The following DNAJA4 variants were observed in gnomAD, a reference collection of about 807,000 sequenced individuals.
DNAJA4 encodes DnaJ heat shock protein family (Hsp40) member A4.
Under a neutral mutation model 39.7 loss-of-function variants are expected in DNAJA4, and 32 were observed. The ratio of observed to expected loss-of-function variants is 0.81; its 90% confidence interval spans 0.61 to 1.08. The LOEUF (loss-of-function observed/expected upper bound fraction) is 1.08. Among genes scored for constraint, DNAJA4 ranks in the 50% least tolerant of loss-of-function variants. DNAJA4 has a pLI of 0.00. For synonymous variants in DNAJA4, 184 were observed against 182.4 expected (o/e 1.01, Z -0.07); for missense variants, 439 against 505.1 (o/e 0.87, Z 1.25).
At chr15:78,264,189 G>A (rs561716876), upstream of DNAJA4, 4 of 630,876 alleles carry the variant, frequency 6.3e-6, no homozygotes, top group South Asian at 9.8e-5. Flanking sequence ...CAGCCCTCCA[G>A]GCCGCCTACT....
chr15:78,280,382 G>C lies in DNAJA4; in HGVS notation c.1116G>C (p.Gln372His), dbSNP rs748317082. The C allele has an allele frequency of 6.2e-7, 1 of 1,614,078 alleles. No individual in the cohort carries two copies. Among genetic ancestry groups the C allele is most frequent in the Non-Finnish European group, 8.5e-7 (1 of 1,180,046 alleles). Residue 372 changes from glutamine to histidine, a missense_variant, in exon 7 of 7, where the codon CAG (glutamine) becomes CAC (histidine). Physicochemically the swap from Gln to His is conservative, Grantham distance 24 (BLOSUM62 0). Coordinates refer to ENST00000394852, the MANE Select transcript of DNAJA4 (RefSeq NM_001130182.2). ...TGAAGGAGTTTTGTCCCAATGAGCA[G>C]AACTGGCGTCAGCACAGGGAGGCCT... Reference protein sequence around the residue: ...VELKEFCPNEQNWRQHREAYE... With the variant: ...VELKEFCPNEHNWRQHREAYE...
intron 3 of DNAJA4, among the ~76,000 whole-genome samples, 156 bp from the exon 4 acceptor site, chr15:78,274,040 TC>T (rs2049375559): frequency 1.3e-5 from 2 of 152,226 alleles, no homozygotes; most frequent in Non-Finnish European, 2.9e-5. Flanking sequence ...TTGGCTGGAC[TC>T]CTCCAGACTC....
upstream of DNAJA4, chr15:78,264,286 G>T: frequency 2.2e-6 from 3 of 1,367,426 alleles, no homozygotes; most frequent in Non-Finnish European, 2.8e-6. Context: ...CGCCCTCCAG[G>T]CCCAAGCCGC....
rs1489163628 is a variant in DNAJA4 at position 78,281,937 on chromosome 15, G to A, written c.*1477G>A. 6.6e-6 allele frequency: 1 copy of A among 152,236 alleles called. No homozygotes were observed. Among genetic ancestry groups the A allele is most frequent in the Non-Finnish European group, 1.5e-5 (1 of 68,046 alleles). The allele number at this position is 152,236 out of a possible 1,614,324, so 9.4% of individuals were successfully genotyped here. ...ACCTGTGCCCACTTTGACCATTGGT[G>A]AGGATAGATATAAAATCACTTCTTC... On this transcript the variant is annotated 3_prime_UTR_variant, in exon 7 of 7. Transcript: ENST00000394852.
chr15:78,267,956 C>CT (rs2049188778), intron 1 of DNAJA4, among the ~76,000 whole-genome samples: 1 of 152,188 alleles, frequency 6.6e-6, no homozygotes, highest in African/African-American at 2.4e-5. Context: ...TCGTCTCCCA[C>CT]TGGGAGAAGG....
At chr15:78,267,124 TTGTGAGTGTGTATGTGAGTGTGTG>T (rs1440058573) in intron 1 of DNAJA4, among the ~76,000 whole-genome samples, 2 of 77,118 alleles carry the variant, frequency 2.6e-5, no homozygotes, top group Admixed American at 1.2e-4. Flanking sequence ...TGCAGGCCTT[TTGTGAGTGTGTATGTGAGTGTGTG>T]TGTGAGTGTG....
At chr15:78,268,619 A>G (rs2049208896) in intron 1 of DNAJA4, among the ~76,000 whole-genome samples, 1 of 152,118 alleles carries the variant, frequency 6.6e-6, no homozygotes, top group South Asian at 2.1e-4. Context: ...CTGTTTATCT[A>G]TATATCCATA....
At chr15:78,271,212 C>T (rs913474178) in intron 2 of DNAJA4, among the ~76,000 whole-genome samples, 5 of 152,172 alleles carry the variant, frequency 3.3e-5, no homozygotes, top group Non-Finnish European at 4.4e-5. Context: ...TATGAAGTAG[C>T]GAATGGAGTG....
Position 78,264,586 on chromosome 15 carries a change from G to C in DNAJA4, c.-178G>C, listed in dbSNP as rs567801455. 1.5e-4 allele frequency: 177 copies of C among 1,188,026 alleles called. 1 individual carries two copies. The African/African-American group carries it at 2.2e-3, about 15-fold the overall frequency. 73.6% of individuals were successfully genotyped at this position (1,188,026 alleles called of 1,614,324 possible). ...TAGTGCGGTGGAGCCAGGCGTGGAA[G>C]TCGGTCCGGCGCGGGGCGGGGGGCG... On this transcript the variant is annotated 5_prime_UTR_variant, in exon 1 of 7. Coordinates refer to ENST00000394852, the MANE Select transcript of DNAJA4 (RefSeq NM_001130182.2).
chr15:78,267,209 T>TGTGAGTGTGTATGTGA (rs2049162774), intron 1 of DNAJA4, among the ~76,000 whole-genome samples: 2 of 152,148 alleles, frequency 1.3e-5, no homozygotes, highest in South Asian at 4.1e-4. Flanking sequence ...TATGTGAGTG[T>TGTGAGTGTGTATGTGA]GTATGTGTGT....
intron 1 of DNAJA4, chr15:78,265,634 GAA>G (rs2049101298): frequency 1.4e-6 from 1 of 702,240 alleles, no homozygotes; most frequent in Admixed American, 2.0e-5. Context: ...CCTGTTTACA[GAA>G]AGTTTGCTTT....
chr15:78,268,355 A>T (rs149270084), intron 1 of DNAJA4, among the ~76,000 whole-genome samples: 4 of 152,226 alleles, frequency 2.6e-5, no homozygotes, highest in Non-Finnish European at 5.9e-5. Context: ...CTTCGCAGAA[A>T]TGGTATGAGA....
At chr15:78,277,100 T>C (rs941111606) in intron 5 of DNAJA4, among the ~76,000 whole-genome samples, 2 of 152,370 alleles carry the variant, frequency 1.3e-5, no homozygotes, top group Non-Finnish European at 2.9e-5. Context: ...CCGAGGCCCA[T>C]CCATATATGA....
upstream of DNAJA4, chr15:78,264,477 T>A (rs2049057968): frequency 3.9e-6 from 5 of 1,278,214 alleles, no homozygotes. Context: ...CCGCGAAGGT[T>A]CTAGGCCTTT....
At position 78,274,626 on chromosome 15, in the gene DNAJA4, T is replaced by A. The variant is rs890666723; in HGVS notation, c.646+202T>A. 6.7e-5 allele frequency: 40 copies of A among 599,808 alleles called. No individual in the cohort carries two copies. The African/African-American group carries it at 7.4e-4, about 11-fold the overall frequency. 37.2% of individuals were successfully genotyped at this position (599,808 alleles called of 1,614,324 possible). A position where few individuals can be genotyped will look rare whatever the true frequency, so the allele number is the denominator to read the frequency against. The stretch of plus-strand genomic sequence containing the variant: ...TCCATGTCACCTGCCAAAGTGTTCT[T>A]GCTGAGGTTTACTTCCTTGAGATCA... On this transcript the variant is annotated intron_variant, in intron 4 of 6. Coordinates refer to ENST00000394852, the MANE Select transcript of DNAJA4 (RefSeq NM_001130182.2).
At chr15:78,269,351 T>TA (rs2049230982) in intron 1 of DNAJA4, among the ~76,000 whole-genome samples, 1 of 152,224 alleles carries the variant, frequency 6.6e-6, no homozygotes. Context: ...TGTGGTGTGG[T>TA]AAGAAGGAAC....
At chr15:78,276,144 T>G (rs1595927564) in intron 5 of DNAJA4, among the ~76,000 whole-genome samples, 1 of 152,328 alleles carries the variant, frequency 6.6e-6, no homozygotes, top group African/African-American at 2.4e-5. Flanking sequence ...GCAATTAAAC[T>G]TAAGTTTTTA....
intron 1 of DNAJA4, among the ~76,000 whole-genome samples, chr15:78,266,484 C>T (rs2049126103): frequency 6.6e-6 from 1 of 152,200 alleles, no homozygotes; most frequent in East Asian, 1.9e-4. Flanking sequence ...GTTAGTGTCA[C>T]ATAAATGAGG....
chr15:78,274,315 C>A lies in DNAJA4; in HGVS notation c.537C>A (p.Ile179=), dbSNP rs1321178453. ...GMVQQIQTVC[I]ECKGQGERIN... is the part of the protein sequence containing the mutation. ...TACAGCAGATCCAGACCGTGTGCAT[C>A]GAGTGCAAGGGCCAGGGTGAGCGCA... is the stretch of plus-strand genomic sequence containing the variant. The change falls in exon 4 of 7, where the codon ATC becomes ATA. Residue 179 remains isoleucine, a synonymous_variant. Transcript: ENST00000394852. 3 of 1,614,144 alleles carry A rather than the reference C, an allele frequency of 1.9e-6. No homozygotes were observed. Among genetic ancestry groups the A allele is most frequent in the South Asian group, 2.2e-5 (2 of 91,084 alleles).
Sources: allele counts gnomAD v4.1 joint callset (sites outside exome capture counted in the v4.1 genomes callset), GRCh38; gene constraint gnomAD v4.1.1; transcripts MANE v1.5; gene names NCBI Gene and HGNC (gene_info 2026-07-23, HGNC 2026-07-21).